Variants in RAPGEF4 observed in about 807,000 individuals in gnomAD.
RAPGEF4 encodes the protein RAP guanine-nucleotide-exchange factor (GEF) 4.
In RAPGEF4, 66 loss-of-function variants were observed where a neutral mutation model predicts 147.9. The observed-to-expected ratio is 0.45, with a 90% CI of 0.37 to 0.55. The LOEUF (loss-of-function observed/expected upper bound fraction) is 0.55. Ranked by LOEUF, RAPGEF4 falls within the 20% of genes least tolerant of loss-of-function variation. RAPGEF4 has a pLI of 0.00. For synonymous variants in RAPGEF4, 419 were observed against 442.7 expected (o/e 0.95, Z 0.67); for missense variants, 1,071 against 1,257.3 (o/e 0.85, Z 2.24).
intron 8 of RAPGEF4, among the ~76,000 whole-genome samples, chr2:172,963,708 A>G (rs1689533477): frequency 6.6e-6 from 1 of 152,212 alleles, no homozygotes; most frequent in South Asian, 2.1e-4. Flanking sequence ...TCTGCAGGAC[A>G]GTCTGAGTTC....
intron 29 of RAPGEF4, among the ~76,000 whole-genome samples, chr2:173,041,911 C>T (rs926991677): frequency 1.3e-5 from 2 of 152,206 alleles, no homozygotes; most frequent in African/African-American, 4.8e-5. Flanking sequence ...AATAGTCTTC[C>T]CTAACCACCC....
chr2:172,892,773 A>G (rs911653100), intron 4 of RAPGEF4, among the ~76,000 whole-genome samples: 2 of 152,172 alleles, frequency 1.3e-5, no homozygotes, highest in East Asian at 1.9e-4. Flanking sequence ...TCATCTCCCA[A>G]ATGAGCCGCA....
At chr2:173,021,574 C>T (rs1268261941) in intron 23 of RAPGEF4, among the ~76,000 whole-genome samples, 2 of 151,906 alleles carry the variant, frequency 1.3e-5, no homozygotes, top group Non-Finnish European at 2.9e-5. Flanking sequence ...GGCAACAGAG[C>T]GAGACTCTGC....
Position 172,974,544 on chromosome 2 carries a change from C to T in RAPGEF4, c.1004+7100C>T, listed in dbSNP as rs564624641. 3.3e-5 allele frequency among the ~76,000 whole-genome samples: 5 copies of T among 152,090 alleles called. No homozygotes were observed. In the East Asian group the frequency reaches 5.8e-4, roughly 18 times the overall value. On this transcript the variant is annotated intron_variant, in intron 10 of 30. Coordinates refer to ENST00000397081, the MANE Select transcript of RAPGEF4 (RefSeq NM_007023.4). ...ACAAAAAATACAAAAATCAGCCAGGCGTAATGGTGCATGCCTGTAATCCCA... is the reference window on the plus strand; with the variant it reads ...ACAAAAAATACAAAAATCAGCCAGGTGTAATGGTGCATGCCTGTAATCCCA...
At chr2:172,952,925 T>C (rs1469797010) in intron 6 of RAPGEF4, among the ~76,000 whole-genome samples, 5 of 152,174 alleles carry the variant, frequency 3.3e-5, no homozygotes, top group Admixed American at 2.6e-4. Flanking sequence ...TGCAGCACTG[T>C]GTTAGGGTAT....
chr2:173,011,188 A>ACACACACACACACACGCG (rs1559183070), intron 17 of RAPGEF4, among the ~76,000 whole-genome samples: 3 of 151,820 alleles, frequency 2.0e-5, no homozygotes, highest in African/African-American at 4.8e-5. Flanking sequence ...ACACACACAC[A>ACACACACACACACACGCG]CACACACACA....
Position 173,036,132 on chromosome 2 carries a change from C to T in RAPGEF4, c.2708C>T (p.Ser903Leu), listed in dbSNP as rs373438925. The part of the protein sequence containing the change: ...YAEFESLMDP[S>L]RNHRAYRLTV... ...CTCTTTTTCTCTCCTAAGGACCCTT[C>T]AAGGAACCACAGGGCCTACAGGCTG... The change falls in exon 28 of 31, where the codon TCA becomes TTA. Residue 903 changes from serine (S) to leucine (L), a missense_variant. Transcript: ENST00000397081. The T allele has an allele frequency of 2.5e-6, 4 of 1,609,728 alleles. No homozygotes were observed. The highest frequency in any genetic ancestry group is 1.7e-5 in the Admixed American group (1 of 60,004).
Position 172,741,402 on chromosome 2 carries a change from G to A in RAPGEF4, c.65+5354G>A, listed in dbSNP as rs79063935. Among the ~76,000 whole-genome samples, 228 of 152,332 alleles carry A rather than the reference G, an allele frequency of 1.5e-3. 2 individuals carry two copies. Among genetic ancestry groups the A allele is most frequent in the Middle Eastern group, 6.8e-3 (2 of 294 alleles). On this transcript the variant is annotated intron_variant, in intron 1 of 30. Coordinates refer to ENST00000397081, the MANE Select transcript of RAPGEF4 (RefSeq NM_007023.4). Reference sequence around the variant, plus strand: ...ACAGGCATCCTTCTCCTCAGGGATGGTGGCCTCTGTAACCCAAAAAGGCCC... The same window carrying A: ...ACAGGCATCCTTCTCCTCAGGGATGATGGCCTCTGTAACCCAAAAAGGCCC...
intron 4 of RAPGEF4, among the ~76,000 whole-genome samples, chr2:172,871,551 A>G (rs775754843): frequency 2.6e-5 from 4 of 152,102 alleles, no homozygotes; most frequent in Non-Finnish European, 5.9e-5. Context: ...CTTCAGTTGT[A>G]AAATGGAAAT....
At chr2:172,919,437 C>T (rs1575238408) in intron 5 of RAPGEF4, among the ~76,000 whole-genome samples, 2 of 152,276 alleles carry the variant, frequency 1.3e-5, no homozygotes, top group South Asian at 4.1e-4. Flanking sequence ...CGTCCAGACT[C>T]CATTCCGCCT....
At chr2:172,737,773 T>TCAATAAGTTAAGGGTTTTAGGC (rs575110514) in intron 1 of RAPGEF4, among the ~76,000 whole-genome samples, 3,726 of 151,734 alleles carry the variant, frequency 0.025, 63 homozygotes, top group South Asian at 0.042. Context: ...AGTGGATAGA[T>TCAATAAGTTAAGGGTTTTAGGC]CAATAAGTTA....
chr2:172,781,305 C>T (rs2149511128), intron 1 of RAPGEF4, among the ~76,000 whole-genome samples: 1 of 152,228 alleles, frequency 6.6e-6, no homozygotes, highest in Admixed American at 6.5e-5. Context: ...AAGCCAGAAA[C>T]AGACACTTCA....
chr2:172,982,003 C>T (rs1013317060), intron 10 of RAPGEF4, among the ~76,000 whole-genome samples: 1 of 152,054 alleles, frequency 6.6e-6, no homozygotes, highest in African/African-American at 2.4e-5. Context: ...TATGTAGACA[C>T]CTTTATGGTT....
chr2:172,906,208 G>T (rs192480149), intron 4 of RAPGEF4, among the ~76,000 whole-genome samples: 66 of 152,322 alleles, frequency 4.3e-4, no homozygotes, highest in Admixed American at 4.3e-3. Flanking sequence ...TTCAGAGAAA[G>T]TACAGATGAC....
chr2:172,834,769 G>C (rs895482977), intron 4 of RAPGEF4, among the ~76,000 whole-genome samples: 3 of 151,986 alleles, frequency 2.0e-5, no homozygotes, highest in African/African-American at 7.2e-5. Context: ...CAAAAGATTG[G>C]GTTTCAATAA....
chr2:172,922,317 T>C lies in RAPGEF4; in HGVS notation c.537+17T>C, dbSNP rs755434928. On this transcript the variant is annotated intron_variant, in intron 6 of 30. Coordinates refer to ENST00000397081, the MANE Select transcript of RAPGEF4 (RefSeq NM_007023.4). ...AAGGAGAACGTGAGTAGCTACTCTCTCTGCCTATCTTCTAAAAATTGTTAT... is the reference window on the plus strand; with the variant it reads ...AAGGAGAACGTGAGTAGCTACTCTCCCTGCCTATCTTCTAAAAATTGTTAT... 2 of 1,598,482 alleles carry C rather than the reference T, an allele frequency of 1.3e-6. No individual in the cohort carries two copies. Among genetic ancestry groups the C allele is most frequent in the South Asian group, 2.2e-5 (2 of 90,764 alleles).
intron 4 of RAPGEF4, among the ~76,000 whole-genome samples, chr2:172,826,109 C>G (rs1371662941): frequency 1.3e-5 from 2 of 152,168 alleles, no homozygotes; most frequent in Non-Finnish European, 2.9e-5. Context: ...CTGTGAAGAT[C>G]CCAGCGATTT....
intron 4 of RAPGEF4, among the ~76,000 whole-genome samples, chr2:172,817,077 A>G (rs1046147659): frequency 6.6e-6 from 1 of 152,216 alleles, no homozygotes; most frequent in Non-Finnish European, 1.5e-5. Flanking sequence ...AAAAGATTGA[A>G]TTCTGTTTAT....
At chr2:172,833,081 G>A (rs1260895182) in intron 4 of RAPGEF4, among the ~76,000 whole-genome samples, 1 of 152,112 alleles carries the variant, frequency 6.6e-6, no homozygotes, top group Admixed American at 6.5e-5. Flanking sequence ...ACACACGCCT[G>A]TAATCCCAGC....
Sources: allele counts gnomAD v4.1 joint callset (sites outside exome capture counted in the v4.1 genomes callset), GRCh38; gene constraint gnomAD v4.1.1; transcripts MANE v1.5; gene names NCBI Gene and HGNC (gene_info 2026-07-23, HGNC 2026-07-21).